NOL4: variants seen among roughly 807,000 people sequenced by gnomAD.
The protein encoded by NOL4 is nucleolar protein 4, also known as cancer/testis antigen 125.
A neutral mutation model predicts 75.9 loss-of-function variants in NOL4; 17 were observed. That is an observed-to-expected ratio of 0.22 (90% CI 0.15 to 0.34). The LOEUF is 0.34. Ranked by LOEUF, NOL4 falls within the 10% of genes least tolerant of loss-of-function variation. The pLI, the probability that NOL4 is intolerant of heterozygous loss-of-function variation, is 1.00. For synonymous variants in NOL4, 292 were observed against 289.9 expected (o/e 1.01, Z -0.07); for missense variants, 614 against 793.5 (o/e 0.77, Z 2.72).
chr18:34,119,917 C>G (rs1371103432), intron 2 of NOL4, among the ~76,000 whole-genome samples: 1 of 152,072 alleles, frequency 6.6e-6, no homozygotes, highest in Non-Finnish European at 1.5e-5. Flanking sequence ...CCACCGCGCC[C>G]GGCCTGATTT....
intron 10 of NOL4, among the ~76,000 whole-genome samples, chr18:33,869,953 G>A (rs1003867544): frequency 1.3e-5 from 2 of 151,934 alleles, no homozygotes; most frequent in African/African-American, 2.4e-5. Flanking sequence ...CAGGGTGGAT[G>A]GATTCCCATT....
chr18:34,010,089 T>A (rs1455454178), intron 6 of NOL4, among the ~76,000 whole-genome samples: 2 of 151,846 alleles, frequency 1.3e-5, no homozygotes, highest in African/African-American at 4.8e-5. Flanking sequence ...GATCGCCATT[T>A]TAAAAGTATT....
At chr18:33,901,925 A>G (rs915450709) in intron 9 of NOL4, among the ~76,000 whole-genome samples, 2 of 152,106 alleles carry the variant, frequency 1.3e-5, no homozygotes, top group Non-Finnish European at 2.9e-5. Flanking sequence ...GAAGAAGGCT[A>G]TGAATATGAA....
intron 5 of NOL4, among the ~76,000 whole-genome samples, chr18:34,091,324 C>T (rs1158131552): frequency 6.6e-6 from 1 of 152,018 alleles, no homozygotes; most frequent in Non-Finnish European, 1.5e-5. Flanking sequence ...GATCACTCCA[C>T]TACACTCCAG....
At chr18:34,201,184 A>G (rs1229859099) in intron 1 of NOL4, among the ~76,000 whole-genome samples, 1 of 151,800 alleles carries the variant, frequency 6.6e-6, no homozygotes, top group Non-Finnish European at 1.5e-5. Flanking sequence ...ATTTCCAAAA[A>G]CACATTTATT....
intron 1 of NOL4, among the ~76,000 whole-genome samples, chr18:34,150,736 T>C (rs1274426602): frequency 6.6e-6 from 1 of 151,670 alleles, no homozygotes; most frequent in East Asian, 1.9e-4. Context: ...ATGAAAGAAT[T>C]GATAAGCTAG....
chr18:34,163,957 C>G (rs984059860), intron 1 of NOL4, among the ~76,000 whole-genome samples: 4 of 152,136 alleles, frequency 2.6e-5, no homozygotes, highest in African/African-American at 9.7e-5. Flanking sequence ...ACTATCTGAT[C>G]TTTGACAAAC....
chr18:34,127,615 G>C (rs531026286), intron 2 of NOL4, among the ~76,000 whole-genome samples: 4 of 151,820 alleles, frequency 2.6e-5, no homozygotes, highest in Admixed American at 2.6e-4. Flanking sequence ...GCACTAAACC[G>C]TTCTATTTCA....
intron 6 of NOL4, among the ~76,000 whole-genome samples, chr18:34,001,518 T>C (rs2073703829): frequency 1.3e-5 from 2 of 151,972 alleles, no homozygotes; most frequent in African/African-American, 4.8e-5. Context: ...GTCTAAGTAA[T>C]GGATAGAAGC....
At chr18:33,881,076 C>CT (rs148955605) in intron 10 of NOL4, among the ~76,000 whole-genome samples, 25,554 of 151,962 alleles carry the variant, frequency 0.17, 2,302 homozygotes, top group African/African-American at 0.21. Context: ...AAAACACAAT[C>CT]TCACATCCCT....
Position 34,153,163 on chromosome 18 carries a change from T to C in NOL4, c.265-23143A>G, listed in dbSNP as rs962202388. On this transcript the variant is annotated intron_variant, in intron 1 of 10. Coordinates refer to ENST00000261592, the MANE Select transcript of NOL4 (RefSeq NM_003787.5). Reference sequence around the variant, plus strand: ...TTATATTTTTCATATACCCATGTACTCATTTCTTTTCGATACATCACTAGG... The same window carrying C: ...TTATATTTTTCATATACCCATGTACCCATTTCTTTTCGATACATCACTAGG... Among the ~76,000 whole-genome samples, 3 of 151,790 alleles carry C rather than the reference T, an allele frequency of 2.0e-5. No individual in the cohort carries two copies. In the East Asian group the frequency reaches 5.8e-4, roughly 29 times the overall value.
intron 1 of NOL4, among the ~76,000 whole-genome samples, chr18:34,135,367 G>A (rs938942204): frequency 1.1e-4 from 17 of 151,950 alleles, no homozygotes; most frequent in Non-Finnish European, 1.9e-4. Context: ...AAAATTTATA[G>A]GCCTATCACA....
intron 8 of NOL4, among the ~76,000 whole-genome samples, chr18:33,949,309 C>T (rs1344719226): frequency 6.6e-6 from 1 of 152,070 alleles, no homozygotes; most frequent in Non-Finnish European, 1.5e-5. Flanking sequence ...CCTCAATTAA[C>T]CCTGGCCACC....
chr18:34,106,766 T>C (rs2079304048), intron 2 of NOL4, among the ~76,000 whole-genome samples: 1 of 151,996 alleles, frequency 6.6e-6, no homozygotes, highest in Non-Finnish European at 1.5e-5. Context: ...ACAGAGGGAA[T>C]AAACACTTCT....
At chr18:33,894,670 A>ATTCTCTTGCT (rs536442010) in intron 9 of NOL4, among the ~76,000 whole-genome samples, 36 of 152,146 alleles carry the variant, frequency 2.4e-4, no homozygotes, top group Non-Finnish European at 5.0e-4. Flanking sequence ...TTATTATTTT[A>ATTCTCTTGCT]ACAAATTCTC....
chr18:34,092,284 T>C (rs1296852823), intron 5 of NOL4, among the ~76,000 whole-genome samples: 1 of 152,154 alleles, frequency 6.6e-6, no homozygotes, highest in East Asian at 1.9e-4. Context: ...TCTTATAATA[T>C]TTCCAAATAA....
At chr18:33,890,122 G>A (rs1478435770) in intron 9 of NOL4, among the ~76,000 whole-genome samples, 6 of 152,130 alleles carry the variant, frequency 3.9e-5, no homozygotes, top group Admixed American at 3.9e-4. Context: ...TGACATGATT[G>A]TATATTTAGA....
chr18:33,884,620 T>G (rs1801352589), intron 9 of NOL4, among the ~76,000 whole-genome samples: 1 of 152,016 alleles, frequency 6.6e-6, no homozygotes. Flanking sequence ...CTTTTTTTTT[T>G]TTTACTTTTT....
chr18:33,906,317 C>CT (rs1420764749), intron 9 of NOL4, among the ~76,000 whole-genome samples: 2 of 152,120 alleles, frequency 1.3e-5, no homozygotes, highest in African/African-American at 2.4e-5. Flanking sequence ...CCAACCCTTT[C>CT]TTTTTTCCCC....
Sources: gnomAD v4.1 joint callset for allele counts (sites outside exome capture counted in the v4.1 genomes callset) on GRCh38, gnomAD v4.1.1 for gene constraint, MANE v1.5 for transcripts, NCBI Gene and HGNC (gene_info 2026-07-23, HGNC 2026-07-21) for gene names.